The following ZNFX1 variants were observed in gnomAD, a reference collection of about 807,000 sequenced individuals.
ZNFX1 encodes the protein NFX1-type zinc finger-containing protein 1.
Under a neutral mutation model 179.8 loss-of-function variants are expected in ZNFX1, and 78 were observed. That is an observed-to-expected ratio of 0.43 (90% CI 0.36 to 0.52). ZNFX1 has a LOEUF of 0.52. Ranked by LOEUF, ZNFX1 falls within the 20% of genes least tolerant of loss-of-function variation. The pLI, the probability that ZNFX1 is intolerant of heterozygous loss-of-function variation, is 0.00. For missense variants in ZNFX1, 1,927 were observed against 2,386.6 expected (o/e 0.81, Z 4.01); for synonymous variants, 848 against 868.5 (o/e 0.98, Z 0.42).
intron 1 of ZNFX1, among the ~76,000 whole-genome samples, chr20:49,276,366 A>G (rs913005821): frequency 1.3e-5 from 2 of 152,110 alleles, no homozygotes; most frequent in Non-Finnish European, 2.9e-5. Flanking sequence ...AGCTTGCAGT[A>G]CCCTACAGTT....
In ZNFX1 at chr20:49,270,409, G is replaced by A. The variant is rs563401172; in HGVS notation, c.1403C>T (p.Thr468Ile). The part of the protein sequence containing the change: ...KDNFETFLFA[T>I]VSNREQEDLC... ...ATCTTCCTGCTCCCTGTTAGATACG[G>A]TGGCAAAAAGAAATGTCTCGAAGTT... Residue 468 changes from threonine to isoleucine, a missense_variant, in exon 3 of 14, where the codon ACC becomes ATC. Coordinates refer to ENST00000396105, the MANE Select transcript of ZNFX1 (RefSeq NM_021035.3). The surrounding 1 kb of genome is among the most constrained non-coding windows in gnomAD (Gnocchi z 4.6). 1.9e-6 allele frequency: 3 copies of A among 1,614,214 alleles called. No homozygotes were observed. In the South Asian group the frequency reaches 3.3e-5, roughly 18 times the overall value.
chr20:49,270,343 C>T lies in ZNFX1; in HGVS notation c.1469G>A (p.Ser490Asn). The T allele has an allele frequency of 1.2e-6, 2 of 1,614,174 alleles. No individual in the cohort carries two copies. The highest frequency in any genetic ancestry group is 1.7e-6 in the Non-Finnish European group (2 of 1,180,020). Residue 490 changes from serine (S) to asparagine (N), a missense_variant, in exon 3 of 14, where the codon AGC becomes AAC. By Grantham distance (46) the Ser-to-Asn change is conservative. Transcript: ENST00000396105. The surrounding 1 kb of genome is among the most constrained non-coding windows in gnomAD (Gnocchi z 4.6). ...CTGGACCTCTGCTAGCAGCTGTTGG[C>T]TTTGCTCATTGAAGCAGAGCTGGAC... ...GIVQLCFNEQ[S>N]QQLLAEVQPS...
In ZNFX1 at chr20:49,249,628, A is replaced by G. The variant is rs1181928723; in HGVS notation, c.3396T>C (p.His1132=). ...ACAGCTCTACCACAAAGTGAGCCTC[A>G]TGCTGGTTCTGATGGCTTTTGCCCT... ...IQEGKSHQNQ[H]EAHFVVELCK... The change falls in exon 14 of 14, where the codon CAT becomes CAC. Residue 1132 remains histidine, a synonymous_variant. Transcript: ENST00000396105. 13 of 1,614,104 alleles carry G rather than the reference A, an allele frequency of 8.1e-6. No individual in the cohort carries two copies. The highest frequency in any genetic ancestry group is 3.3e-5 in the Admixed American group (2 of 60,010).
Position 49,260,493 on chromosome 20 carries a change from T to C in ZNFX1, c.2386A>G (p.Ser796Gly), listed in dbSNP as rs746189931. Residue 796 changes from serine (S) to glycine (G), a missense_variant, in exon 7 of 14, where the codon AGT becomes GGT. Ser to Gly is a moderately conservative substitution (Grantham distance 56). Coordinates refer to ENST00000396105, the MANE Select transcript of ZNFX1 (RefSeq NM_021035.3). ...LGLGVGSFTQSVSPAGPENTA... is the reference protein window; with the variant it reads ...LGLGVGSFTQGVSPAGPENTA... ...TTCTCAGGTCCTGCTGGAGAAACAC[T>C]TTGCGTGAAAGAACCGACACCAAGA... is the stretch of plus-strand genomic sequence containing the variant. 6 of 1,613,296 alleles carry C rather than the reference T, an allele frequency of 3.7e-6. No homozygotes were observed. The highest frequency in any genetic ancestry group is 5.1e-6 in the Non-Finnish European group (6 of 1,179,732).
chr20:49,269,399 G>A (rs754668226), intron 3 of ZNFX1, among the ~76,000 whole-genome samples: 26 of 152,012 alleles, frequency 1.7e-4, no homozygotes, highest in Non-Finnish European at 3.2e-4. Flanking sequence ...TACCTATCAA[G>A]GGCTGAGTGC....
At chr20:49,266,112 A>G in intron 4 of ZNFX1, 23 bp downstream of exon 4, 1 of 1,602,134 alleles carries the variant, frequency 6.2e-7, no homozygotes, top group Non-Finnish European at 8.5e-7. Flanking sequence ...TTGATAGAGA[A>G]CAAATTTGCC....
chr20:49,249,572 G>A lies in ZNFX1; in HGVS notation c.3452C>T (p.Pro1151Leu). The change falls in exon 14 of 14, where the codon CCT (proline) becomes CTT (leucine). Residue 1151 changes from proline to leucine, a missense_variant. By Grantham distance (98) the Pro-to-Leu change is moderately conservative. Coordinates refer to ENST00000396105, the MANE Select transcript of ZNFX1 (RefSeq NM_021035.3). ...GGTAGTGAGGATGGTGATCTGGGAA[G>A]GCAGGTATTCCTGGCACAGGAAGTA... ...CKYFLCQEYL[P>L]SQITILTTYT... 1 of 1,614,254 alleles carries A rather than the reference G, an allele frequency of 6.2e-7. No individual in the cohort carries two copies. The highest frequency in any genetic ancestry group is 8.5e-7 in the Non-Finnish European group (1 of 1,180,052).
intron 5 of ZNFX1, among the ~76,000 whole-genome samples, chr20:49,264,459 T>C (rs1435738778): frequency 2.0e-5 from 3 of 151,980 alleles, no homozygotes; most frequent in Non-Finnish European, 4.4e-5. Flanking sequence ...TACACAGAGG[T>C]GCTGTGGGTG....
At chr20:49,256,069 T>C (rs1980965069) in intron 8 of ZNFX1, 122 bp from the exon 9 acceptor site, 3 of 1,241,504 alleles carry the variant, frequency 2.4e-6, no homozygotes, top group African/African-American at 3.0e-5. Flanking sequence ...GTCAAGTGTC[T>C]TACATTCTCC....
intron 5 of ZNFX1, among the ~76,000 whole-genome samples, chr20:49,264,181 C>T (rs1054603529): frequency 6.6e-6 from 1 of 152,184 alleles, no homozygotes; most frequent in Non-Finnish European, 1.5e-5. Flanking sequence ...GAGATTGTGC[C>T]ACTGCACTCC....
chr20:49,266,410 G>T, intron 3 of ZNFX1, 144 bp from the exon 4 acceptor site: 1 of 874,834 alleles, frequency 1.1e-6, no homozygotes, highest in Non-Finnish European at 1.6e-6. Context: ...ATTGTGAAAA[G>T]TCCCTCTTGC....
At chr20:49,252,677 T>C (rs916963846) in intron 12 of ZNFX1, 43 bp downstream of exon 12, 5 of 1,495,790 alleles carry the variant, frequency 3.3e-6, no homozygotes, top group Non-Finnish European at 4.7e-6. Context: ...TCCCAGGAGC[T>C]TTCTCCTGGG....
At position 49,249,148 on chromosome 20, in the gene ZNFX1, G is replaced by C; in HGVS notation, c.3876C>G (p.Cys1292Trp). ...KVPEGGCSLP[C>W]EFRLGCGHVC... ...CATGCCCACAGCCCAGGCGGAACTCGCAGGGCAGGCTGCAGCCTCCTTCGG... is the reference window on the plus strand; with the variant it reads ...CATGCCCACAGCCCAGGCGGAACTCCCAGGGCAGGCTGCAGCCTCCTTCGG... Residue 1292 changes from cysteine (C) to tryptophan (W), a missense_variant, in exon 14 of 14, where the codon TGC (cysteine) becomes TGG (tryptophan). Physicochemically the swap from Cys to Trp is radical, Grantham distance 215 (BLOSUM62 -2). Transcript: ENST00000396105. The C allele has an allele frequency of 1.2e-6, 2 of 1,614,210 alleles. No individual in the cohort carries two copies. The highest frequency in any genetic ancestry group is 1.7e-6 in the Non-Finnish European group (2 of 1,180,030).
chr20:49,276,189 T>C (rs1981553839), intron 1 of ZNFX1, among the ~76,000 whole-genome samples: 1 of 152,248 alleles, frequency 6.6e-6, no homozygotes, highest in Non-Finnish European at 1.5e-5. Flanking sequence ...GTTTGGTTTA[T>C]GCCTTTAGCC....
intron 1 of ZNFX1, among the ~76,000 whole-genome samples, chr20:49,276,809 G>A (rs1981573354): frequency 1.3e-5 from 2 of 152,204 alleles, no homozygotes; most frequent in Admixed American, 1.3e-4. Flanking sequence ...TCTGAAAAAG[G>A]AGTCTCTTTT....
intron 7 of ZNFX1, 115 bp from the exon 8 acceptor site, chr20:49,257,779 G>A: frequency 7.0e-7 from 1 of 1,427,792 alleles, no homozygotes; most frequent in Non-Finnish European, 9.1e-7. Context: ...TTGGCTCATT[G>A]CAACCTCTGC....
chr20:49,247,401 C>T lies in ZNFX1; in HGVS notation c.5623G>A (p.Val1875Met). 1.2e-6 allele frequency: 2 copies of T among 1,614,226 alleles called. No homozygotes were observed. Among genetic ancestry groups the T allele is most frequent in the African/African-American group, 1.3e-5 (1 of 75,062 alleles). The change falls in exon 14 of 14, where the codon GTG (valine) becomes ATG (methionine). Residue 1875 changes from valine to methionine, a missense_variant. Coordinates refer to ENST00000396105, the MANE Select transcript of ZNFX1 (RefSeq NM_021035.3). ...ERGTCPDCKE[V>M]IGGTNHTLER... is the part of the protein sequence containing the mutation. ...AGAGTATGATTTGTGCCACCAATCA[C>T]TTCCTTACAGTCAGGACACGTGCCC...
chr20:49,262,407 CAAA>C (rs553327409), intron 6 of ZNFX1, among the ~76,000 whole-genome samples: 1 of 84,640 alleles, frequency 1.2e-5, no homozygotes, highest in African/African-American at 4.6e-5. Flanking sequence ...AACTCTGTCT[CAAA>C]AAAAAAAAAA....
In ZNFX1 at chr20:49,247,944, G is replaced by C; in HGVS notation, c.5080C>G (p.Leu1694Val). ...MLKEKLAQKN[L>V]SVKDLGLVEN... Reference sequence around the variant, plus strand: ...ACCAGACCCAGGTCCTTCACTGACAGATTTTTCTGGGCCAGCTTCTCCTTT... The same window carrying C: ...ACCAGACCCAGGTCCTTCACTGACACATTTTTCTGGGCCAGCTTCTCCTTT... The change falls in exon 14 of 14, where the codon CTG becomes GTG. Residue 1694 changes from leucine to valine, a missense_variant. Leu to Val is a conservative substitution (Grantham distance 32). Coordinates refer to ENST00000396105, the MANE Select transcript of ZNFX1 (RefSeq NM_021035.3). The C allele has an allele frequency of 6.2e-7, 1 of 1,613,910 alleles. No homozygotes were observed. Among genetic ancestry groups the C allele is most frequent in the Non-Finnish European group, 8.5e-7 (1 of 1,179,936 alleles).
Sources: gnomAD v4.1 joint callset for allele counts (sites outside exome capture counted in the v4.1 genomes callset) on GRCh38, gnomAD v4.1.1 for gene constraint, Gnocchi (gnomAD v3.1) non-coding constraint, MANE v1.5 for transcripts, NCBI Gene and HGNC (gene_info 2026-07-23, HGNC 2026-07-21) for gene names.